The following ZNF83 variants were observed in gnomAD, a reference collection of about 807,000 sequenced individuals.
The protein encoded by ZNF83 is zinc finger protein 83, also known as zinc finger protein 816B.
For missense variants in ZNF83, 552 were observed against 629.9 expected, an observed-to-expected ratio of 0.88 and a Z score of 1.32; for synonymous variants, 209 against 213.0, an observed-to-expected ratio of 0.98 and a Z score of 0.17.
Position 52,686,667 on chromosome 19 carries a change from A to G in ZNF83, c.-283+3776T>C, listed in dbSNP as rs953678479. Among the ~76,000 whole-genome samples the G allele has an allele frequency of 1.3e-4, 20 of 152,144 alleles. No individual in the cohort carries two copies. In the East Asian group the frequency reaches 2.9e-3, roughly 22 times the overall value. Reference sequence around the variant, plus strand: ...CAGCTCACTGCAACCTCTACCTCCCAGGTTCAAGTGATTGTGTACCTCATC... The same window carrying G: ...CAGCTCACTGCAACCTCTACCTCCCGGGTTCAAGTGATTGTGTACCTCATC... On this transcript the variant is annotated intron_variant, in intron 1 of 5. Coordinates refer to the ZNF83 transcript ENST00000594682.
intron 3 of ZNF83, among the ~76,000 whole-genome samples, chr19:52,646,168 G>A (rs953545093): frequency 6.6e-5 from 10 of 152,108 alleles, no homozygotes; most frequent in Middle Eastern, 3.2e-3. Flanking sequence ...TTAAACTCCT[G>A]ACCTTAGGTG....
chr19:52,649,591 C>T (rs1261400298), intron 3 of ZNF83, among the ~76,000 whole-genome samples: 2 of 152,098 alleles, frequency 1.3e-5, no homozygotes, highest in African/African-American at 2.4e-5. Context: ...AGTCAGTGCC[C>T]TGTGCTCAGA....
intron 2 of ZNF83, among the ~76,000 whole-genome samples, chr19:52,621,323 C>T (rs2060534406): frequency 6.6e-6 from 1 of 152,228 alleles, no homozygotes; most frequent in Non-Finnish European, 1.5e-5. Flanking sequence ...TTCAGCACCA[C>T]CTTTCAATCT....
intron 2 of ZNF83, among the ~76,000 whole-genome samples, chr19:52,630,343 A>G (rs1168624957): frequency 2.0e-5 from 3 of 152,030 alleles, no homozygotes; most frequent in Non-Finnish European, 4.4e-5. Context: ...CTTCTTAATC[A>G]ATACGGAGGC....
At chr19:52,639,105 C>CT (rs2061248952), upstream of ZNF83, among the ~76,000 whole-genome samples, 1 of 152,202 alleles carries the variant, frequency 6.6e-6, no homozygotes, top group South Asian at 2.1e-4. Context: ...CTATCAGTTT[C>CT]TTTTTTTGTT....
chr19:52,614,199 T>C (rs1190480428), exon 3 of ZNF83: 1 of 1,614,036 alleles, frequency 6.2e-7, no homozygotes, highest in Non-Finnish European at 8.5e-7. Flanking sequence ...ATATATCACA[T>C]TTAAATTGCG....
At chr19:52,653,265 T>G in intron 3 of ZNF83, 1 of 1,488,804 alleles carries the variant, frequency 6.7e-7, no homozygotes, top group Non-Finnish European at 9.3e-7. Context: ...TATAATGACA[T>G]GCAAGGTGTG....
At chr19:52,613,852 C>T (rs1436901261) in exon 3 of ZNF83, 1 of 1,614,150 alleles carries the variant, frequency 6.2e-7, no homozygotes, top group African/African-American at 1.3e-5. Context: ...CACCTTGCCA[C>T]ATTTGTTACA....
chr19:52,628,777 C>G (rs1284805264), intron 2 of ZNF83, among the ~76,000 whole-genome samples: 2 of 151,744 alleles, frequency 1.3e-5, no homozygotes, highest in Non-Finnish European at 2.9e-5. Context: ...GCAAGTCCCA[C>G]TTTTCTAGGG....
At chr19:52,671,370 ATGTAT>A (rs1482992769) in intron 1 of ZNF83, among the ~76,000 whole-genome samples, 3 of 152,312 alleles carry the variant, frequency 2.0e-5, no homozygotes, top group East Asian at 3.9e-4. Flanking sequence ...TAATTTATAA[ATGTAT>A]TGTAATATTA....
At chr19:52,684,025 C>T (rs950887516) in intron 1 of ZNF83, among the ~76,000 whole-genome samples, 1 of 151,996 alleles carries the variant, frequency 6.6e-6, no homozygotes, top group Non-Finnish European at 1.5e-5. Context: ...CCTGAGGTCA[C>T]GAGTTTGAGA....
At chr19:52,630,945 A>G (rs558169962) in intron 2 of ZNF83, among the ~76,000 whole-genome samples, 8 of 150,098 alleles carry the variant, frequency 5.3e-5, no homozygotes, top group African/African-American at 2.0e-4. Context: ...TTGCCTATCC[A>G]CCCCATGGTG....
chr19:52,641,126 ATGGCC>A (rs140328874), upstream of ZNF83, among the ~76,000 whole-genome samples: 1,512 of 137,876 alleles, frequency 0.011, 33 homozygotes, highest in African/African-American at 0.039. Flanking sequence ...TTCCCATTGT[ATGGCC>A]TGGCCCCCAG....
chr19:52,613,390 T>C (rs11545619), exon 3 of ZNF83: 152,194 of 1,613,526 alleles, frequency 0.094, 7,648 homozygotes, highest in African/African-American at 0.16. Context: ...ATGGATTCTG[T>C]GATGTTGTAC....
At chr19:52,654,225 A>C in intron 3 of ZNF83, 1 of 1,580,476 alleles carries the variant, frequency 6.3e-7, no homozygotes, top group Non-Finnish European at 8.7e-7. Context: ...CTTCATGGCC[A>C]TTTCTTTTAA....
intron 2 of ZNF83, chr19:52,619,122 A>G: frequency 6.2e-7 from 1 of 1,612,502 alleles, no homozygotes; most frequent in Non-Finnish European, 8.5e-7. Context: ...CTTTACAGAA[A>G]ATGAGGAGAG....
At chr19:52,647,321 AATTT>A (rs776364228) in intron 3 of ZNF83, among the ~76,000 whole-genome samples, 2 of 152,196 alleles carry the variant, frequency 1.3e-5, no homozygotes, top group African/African-American at 2.4e-5. Context: ...TAATTTAAAT[AATTT>A]ATTTATTATA....
chr19:52,671,625 T>C (rs1261955082), intron 1 of ZNF83, among the ~76,000 whole-genome samples: 1 of 152,140 alleles, frequency 6.6e-6, no homozygotes, highest in African/African-American at 2.4e-5. Flanking sequence ...TAGTACTTTG[T>C]AGAGGGGTGG....
At position 52,659,931 on chromosome 19, in the gene ZNF83, G is replaced by A. The variant is rs541400996; in HGVS notation, c.-201+831C>T. Reference sequence around the variant, plus strand: ...CTCGGCTGGGTGGGCGGTAACTCACGCCTGTAATCCCACGACCTTGGGAGG... The same window carrying A: ...CTCGGCTGGGTGGGCGGTAACTCACACCTGTAATCCCACGACCTTGGGAGG... On this transcript the variant is annotated intron_variant, in intron 2 of 5. Transcript: ENST00000594682. Among the ~76,000 whole-genome samples, 8 of 152,230 alleles carry A rather than the reference G, an allele frequency of 5.3e-5. No individual in the cohort carries two copies. In the South Asian group the frequency reaches 6.2e-4, roughly 12 times the overall value.
Sources: gnomAD v4.1 joint callset for allele counts (sites outside exome capture counted in the v4.1 genomes callset) on GRCh38, gnomAD v4.1.1 for gene constraint, MANE v1.5 for transcripts, NCBI Gene and HGNC (gene_info 2026-07-23, HGNC 2026-07-21) for gene names.